Variants in FRMD4A observed in about 807,000 individuals in gnomAD.
The protein encoded by FRMD4A is FERM domain-containing protein 4A.
In FRMD4A, 29 loss-of-function variants were observed where a neutral mutation model predicts 129.1. The observed-to-expected ratio is 0.22, with a 90% CI of 0.17 to 0.31. The LOEUF (loss-of-function observed/expected upper bound fraction) is 0.31, where lower values mean the gene tolerates loss of function less well. Among genes scored for constraint, FRMD4A ranks in the 10% least tolerant of loss-of-function variants. The pLI, the probability that FRMD4A is intolerant of heterozygous loss-of-function variation, is 1.00. For synonymous variants in FRMD4A, 634 were observed against 571.6 expected, an observed-to-expected ratio of 1.11 and a Z score of -1.56; for missense variants, 1,272 against 1,375.8, an observed-to-expected ratio of 0.92 and a Z score of 1.19.
At chr10:14,178,056 C>T (rs1841792850) in intron 2 of FRMD4A, among the ~76,000 whole-genome samples, 1 of 152,138 alleles carries the variant, frequency 6.6e-6, no homozygotes, top group Non-Finnish European at 1.5e-5. Flanking sequence ...TTCCCTTACC[C>T]CCTGCCCTAC....
At chr10:14,278,296 C>T (rs1268665885) in intron 2 of FRMD4A, among the ~76,000 whole-genome samples, 1 of 152,196 alleles carries the variant, frequency 6.6e-6, no homozygotes, top group Admixed American at 6.5e-5. Flanking sequence ...CCACCCTACC[C>T]TTGTTCTCCT....
chr10:14,073,789 G>C (rs915745980), intron 2 of FRMD4A, among the ~76,000 whole-genome samples: 1 of 152,116 alleles, frequency 6.6e-6, no homozygotes, highest in Non-Finnish European at 1.5e-5. Context: ...ACTGGAGGTT[G>C]CCCTGTATAA....
Position 14,100,928 on chromosome 10 carries a change from C to T in FRMD4A, c.45+229130G>A, listed in dbSNP as rs567588383. Among the ~76,000 whole-genome samples the T allele has an allele frequency of 1.9e-4, 29 of 152,220 alleles. 1 individual carries two copies. Among genetic ancestry groups the T allele is most frequent in the South Asian group, 1.7e-3 (8 of 4,818 alleles). On this transcript the variant is annotated intron_variant, in intron 2 of 24. Coordinates refer to ENST00000357447, the MANE Select transcript of FRMD4A (RefSeq NM_018027.5). ...CTGTGTTAACTTTGTACAAGTCTTTCGGCATCTCAGAGCCCAAGCTTTTGG... is the reference window on the plus strand; with the variant it reads ...CTGTGTTAACTTTGTACAAGTCTTTTGGCATCTCAGAGCCCAAGCTTTTGG...
At chr10:14,226,865 C>T (rs945317086) in intron 2 of FRMD4A, among the ~76,000 whole-genome samples, 14 of 152,124 alleles carry the variant, frequency 9.2e-5, no homozygotes, top group Non-Finnish European at 1.3e-4. Context: ...TCCTGCTCCC[C>T]GCTGCCTTCC....
chr10:14,271,626 C>A (rs2132047319), intron 2 of FRMD4A, among the ~76,000 whole-genome samples: 1 of 152,286 alleles, frequency 6.6e-6, no homozygotes, highest in South Asian at 2.1e-4. Flanking sequence ...ATTCAAGGAC[C>A]CACTGTCTAG....
chr10:13,710,213 G>A (rs1024204065), intron 12 of FRMD4A, among the ~76,000 whole-genome samples: 1 of 152,134 alleles, frequency 6.6e-6, no homozygotes, highest in Non-Finnish European at 1.5e-5. Flanking sequence ...GTGTGAGCAC[G>A]CTTGAGAAAA....
chr10:14,126,310 A>G (rs1055190210), intron 2 of FRMD4A, among the ~76,000 whole-genome samples: 5 of 152,074 alleles, frequency 3.3e-5, no homozygotes, highest in African/African-American at 1.2e-4. Flanking sequence ...AGCTGGGACT[A>G]CAGGCGTGCT....
intron 21 of FRMD4A, among the ~76,000 whole-genome samples, 177 bp from the exon 22 acceptor site, chr10:13,657,699 T>C (rs532109944): frequency 6.6e-6 from 1 of 151,818 alleles, no homozygotes; most frequent in African/African-American, 2.4e-5. Flanking sequence ...GAACTGCCCA[T>C]TGCGGGAGGT....
intron 2 of FRMD4A, among the ~76,000 whole-genome samples, chr10:14,142,740 C>A (rs1020048827): frequency 8.5e-5 from 13 of 152,158 alleles, no homozygotes; most frequent in Non-Finnish European, 1.6e-4. Context: ...AAAACGCAAG[C>A]TTTTTAGAAT....
At chr10:13,915,365 G>A (rs1180846293) in intron 2 of FRMD4A, among the ~76,000 whole-genome samples, 1 of 151,872 alleles carries the variant, frequency 6.6e-6, no homozygotes, top group Non-Finnish European at 1.5e-5. Context: ...AAGTGGAAAG[G>A]GTCAGGAAGC....
At chr10:14,007,493 CAGAGTAATTT>C (rs1263598049) in intron 2 of FRMD4A, 1 of 152,334 alleles carries the variant, frequency 6.6e-6, no homozygotes, top group Non-Finnish European at 1.5e-5. Flanking sequence ...AGGAAATTAA[CAGAGTAATTT>C]TAAGCCAAAA....
intron 15 of FRMD4A, among the ~76,000 whole-genome samples, chr10:13,677,922 T>A (rs2084139546): frequency 6.6e-6 from 1 of 152,220 alleles, no homozygotes; most frequent in Non-Finnish European, 1.5e-5. Flanking sequence ...CTAGCTCAAG[T>A]GAAAAATTCA....
chr10:14,202,795 C>G (rs916983688), intron 2 of FRMD4A, among the ~76,000 whole-genome samples: 4 of 151,896 alleles, frequency 2.6e-5, no homozygotes, highest in African/African-American at 9.7e-5. Flanking sequence ...TTTTTTGAAA[C>G]AAGATCTCTC....
At chr10:13,681,400 T>C (rs1338536997) in intron 15 of FRMD4A, among the ~76,000 whole-genome samples, 1 of 152,190 alleles carries the variant, frequency 6.6e-6, no homozygotes, top group Non-Finnish European at 1.5e-5. Flanking sequence ...TGGAACCTCT[T>C]TATTCTAGGT....
rs1304376732 is a variant in FRMD4A at position 13,684,712 on chromosome 10, T to C, written c.1117+9186A>G. On this transcript the variant is annotated intron_variant, in intron 15 of 24. Coordinates refer to ENST00000357447, the MANE Select transcript of FRMD4A (RefSeq NM_018027.5). Reference sequence around the variant, plus strand: ...TCATCTGTTTTTGACACAGAGGGGATATTGATGACCAGCCACTGATTTCAG... The same window carrying C: ...TCATCTGTTTTTGACACAGAGGGGACATTGATGACCAGCCACTGATTTCAG... 1.2e-5 allele frequency: 12 copies of C among 985,156 alleles called. No homozygotes were observed. The South Asian group carries it at 4.7e-4, about 39-fold the overall frequency. 61.0% of individuals were successfully genotyped at this position (985,156 alleles called of 1,614,324 possible).
intron 2 of FRMD4A, among the ~76,000 whole-genome samples, chr10:14,242,994 C>T (rs1844103383): frequency 6.6e-6 from 1 of 152,110 alleles, no homozygotes; most frequent in Non-Finnish European, 1.5e-5. Flanking sequence ...ACTTTGTACC[C>T]ATTATAGATG....
intron 2 of FRMD4A, among the ~76,000 whole-genome samples, chr10:14,134,669 G>A (rs1374466655): frequency 6.6e-6 from 1 of 151,626 alleles, no homozygotes; most frequent in Non-Finnish European, 1.5e-5. Context: ...ATAGATGGGG[G>A]TACAAATGAA....
At chr10:13,972,313 C>G (rs2095523257) in intron 2 of FRMD4A, 9 of 986,760 alleles carry the variant, frequency 9.1e-6, no homozygotes, top group Non-Finnish European at 9.6e-6. Flanking sequence ...TTGGAGAACC[C>G]ATGAGTTTCC....
chr10:14,087,360 T>C (rs1836348779), intron 2 of FRMD4A, among the ~76,000 whole-genome samples: 1 of 147,870 alleles, frequency 6.8e-6, no homozygotes, highest in South Asian at 2.1e-4. Flanking sequence ...TATAAAATTA[T>C]ATTTATAGAA....
Sources: allele counts gnomAD v4.1 joint callset (sites outside exome capture counted in the v4.1 genomes callset), GRCh38; gene constraint gnomAD v4.1.1; transcripts MANE v1.5; gene names NCBI Gene and HGNC (gene_info 2026-07-23, HGNC 2026-07-21).